The following TLL1 variants were observed in gnomAD, a reference collection of about 807,000 sequenced individuals.
TLL1 encodes the protein tolloid-like protein 1.
TLL1 carries 49 observed loss-of-function variants against 128.2 expected under a neutral mutation model. That is an observed-to-expected ratio of 0.38 (90% confidence interval 0.30 to 0.48). The LOEUF (loss-of-function observed/expected upper bound fraction) is 0.48. Among genes scored for constraint, TLL1 ranks in the 20% least tolerant of loss-of-function variants. TLL1 has a pLI of 0.96. For missense variants in TLL1, 1,123 were observed against 1,242.0 expected, an observed-to-expected ratio of 0.90 and a Z score of 1.44; for synonymous variants, 454 against 418.8, an observed-to-expected ratio of 1.08 and a Z score of -1.03.
At position 166,030,352 on chromosome 4, in the gene TLL1, A is replaced by T. The variant is rs532112782; in HGVS notation, c.1158+4921A>T. 2.9e-5 allele frequency: 12 copies of T among 408,052 alleles called. 1 individual carries two copies. The South Asian group carries it at 1.0e-3, about 34-fold the overall frequency. The allele number at this position is 408,052 out of a possible 1,614,324, so 25.3% of individuals were successfully genotyped here. ...AGTCTTTTGCCTATGTTTAAATCAG[A>T]TTATTTGATTTTGTCTTTCAACTGT... On this transcript the variant is annotated intron_variant, in intron 9 of 20. Coordinates refer to ENST00000061240, the MANE Select transcript of TLL1 (RefSeq NM_012464.5).
chr4:165,890,680 T>A (rs1048569964), intron 1 of TLL1, among the ~76,000 whole-genome samples: 1 of 152,230 alleles, frequency 6.6e-6, no homozygotes, highest in Non-Finnish European at 1.5e-5. Context: ...TCTGCCTCTA[T>A]GGCTTTGCTG....
chr4:166,069,678 T>G (rs1446998006), intron 16 of TLL1, among the ~76,000 whole-genome samples: 1 of 151,774 alleles, frequency 6.6e-6, no homozygotes, highest in African/African-American at 2.4e-5. Context: ...ACTTTTTAGA[T>G]TTAAGAAATA....
chr4:165,952,515 G>A (rs1734574542), intron 1 of TLL1, among the ~76,000 whole-genome samples: 1 of 152,084 alleles, frequency 6.6e-6, no homozygotes, highest in African/African-American at 2.4e-5. Context: ...TTCAGTTTAT[G>A]AATTGGGACC....
intron 12 of TLL1, among the ~76,000 whole-genome samples, chr4:166,049,104 T>C (rs1243794557): frequency 6.6e-6 from 1 of 152,196 alleles, no homozygotes; most frequent in Non-Finnish European, 1.5e-5. Flanking sequence ...GGAACTTAGC[T>C]GAGAATATAT....
At chr4:166,060,325 G>A in intron 15 of TLL1, 137 bp downstream of exon 15, 1 of 940,362 alleles carries the variant, frequency 1.1e-6, no homozygotes, top group Non-Finnish European at 1.6e-6. Context: ...GCTCATTTCT[G>A]CAACTGCTTA....
At chr4:165,936,634 C>T (rs1393456227) in intron 1 of TLL1, among the ~76,000 whole-genome samples, 1 of 152,056 alleles carries the variant, frequency 6.6e-6, no homozygotes, top group Non-Finnish European at 1.5e-5. Flanking sequence ...TTTTACAACA[C>T]TGAATGAAAT....
chr4:165,938,878 T>A (rs1733877597), intron 1 of TLL1, among the ~76,000 whole-genome samples: 1 of 152,110 alleles, frequency 6.6e-6, no homozygotes. Flanking sequence ...TAAGTTACAT[T>A]TAAACCTTTT....
chr4:166,027,169 A>G (rs763781496), intron 9 of TLL1, among the ~76,000 whole-genome samples: 4 of 152,150 alleles, frequency 2.6e-5, no homozygotes, highest in East Asian at 1.9e-4. Context: ...GTTCTCATTT[A>G]TAAGTGGGAG....
intron 18 of TLL1, among the ~76,000 whole-genome samples, chr4:166,082,307 G>T (rs1489754032): frequency 6.6e-6 from 1 of 152,112 alleles, no homozygotes. Context: ...ATCATCCTAA[G>T]AGCCAGGGTT....
At chr4:165,960,251 A>C (rs1735030945) in intron 1 of TLL1, among the ~76,000 whole-genome samples, 2 of 152,296 alleles carry the variant, frequency 1.3e-5, no homozygotes, top group African/African-American at 4.8e-5. Flanking sequence ...CAACCTCCCA[A>C]GATTAAACCA....
At chr4:166,062,343 T>G (rs1362394900) in intron 15 of TLL1, among the ~76,000 whole-genome samples, 1 of 152,204 alleles carries the variant, frequency 6.6e-6, no homozygotes, top group Non-Finnish European at 1.5e-5. Flanking sequence ...ATTCTTCCTA[T>G]CCATGAGCAT....
At chr4:165,893,346 G>A (rs2110835772) in intron 1 of TLL1, among the ~76,000 whole-genome samples, 1 of 152,304 alleles carries the variant, frequency 6.6e-6, no homozygotes. Flanking sequence ...TTATTGCTGG[G>A]AGATGGAAAA....
At chr4:166,050,006 T>A (rs1739636287) in intron 12 of TLL1, among the ~76,000 whole-genome samples, 1 of 152,166 alleles carries the variant, frequency 6.6e-6, no homozygotes, top group Non-Finnish European at 1.5e-5. Context: ...TAGCTATGTT[T>A]TAAAGCTACA....
At chr4:166,027,444 A>G (rs1168460332) in intron 9 of TLL1, among the ~76,000 whole-genome samples, 1 of 152,202 alleles carries the variant, frequency 6.6e-6, no homozygotes, top group Non-Finnish European at 1.5e-5. Flanking sequence ...GTTGTCCAGG[A>G]TTTTGTAATA....
chr4:166,065,862 A>G lies in TLL1; in HGVS notation c.2187A>G (p.Ser729=). ...SKKGFKAHFF[S]DKDECSKDNG... ...AGGGCTTCAAAGCACATTTTTTCTCAGGTATAAGCATTCACATGTTGTATG... is the reference window on the plus strand; with the variant it reads ...AGGGCTTCAAAGCACATTTTTTCTCGGGTATAAGCATTCACATGTTGTATG... The change falls in exon 16 of 21, where the codon TCA becomes TCG. Residue 729 remains serine, a splice_region_variant and synonymous_variant. Transcript: ENST00000061240. 6.2e-7 allele frequency: 1 copy of G among 1,605,928 alleles called. No individual in the cohort carries two copies. Among genetic ancestry groups the G allele is most frequent in the East Asian group, 2.2e-5 (1 of 44,724 alleles).
chr4:166,043,675 G>C (rs1273041272), intron 12 of TLL1, among the ~76,000 whole-genome samples: 1 of 152,156 alleles, frequency 6.6e-6, no homozygotes, highest in African/African-American at 2.4e-5. Flanking sequence ...TTGAAGTACT[G>C]ACAATAGTTT....
rs1248947824 is a variant in TLL1 at position 166,103,245 on chromosome 4, A to C, written c.*2369A>C. The stretch of plus-strand genomic sequence containing the variant: ...TTTATGGTGAAACTTTCCCACATAA[A>C]GTAAATTTTAGGGGTGAATTAGAGT... On this transcript the variant is annotated 3_prime_UTR_variant, in exon 21 of 21. Transcript: ENST00000061240. The C allele has an allele frequency of 6.6e-6, 1 of 151,856 alleles. No individual in the cohort carries two copies. The highest frequency in any genetic ancestry group is 6.6e-5 in the Admixed American group (1 of 15,170). 9.4% of individuals were successfully genotyped at this position (151,856 alleles called of 1,614,324 possible).
intron 9 of TLL1, among the ~76,000 whole-genome samples, chr4:166,033,176 CA>C (rs773263113): frequency 1.3e-5 from 2 of 152,090 alleles, no homozygotes; most frequent in African/African-American, 2.4e-5. Flanking sequence ...TTACACTTTA[CA>C]AAATGTACCT....
At chr4:166,029,944 T>C (rs1038131671) in intron 9 of TLL1, among the ~76,000 whole-genome samples, 4 of 152,154 alleles carry the variant, frequency 2.6e-5, no homozygotes, top group African/African-American at 9.6e-5. Flanking sequence ...AGTGCTGATA[T>C]GAACCTGGGA....
Sources: allele counts gnomAD v4.1 joint callset (sites outside exome capture counted in the v4.1 genomes callset), GRCh38; gene constraint gnomAD v4.1.1; transcripts MANE v1.5; gene names NCBI Gene and HGNC (gene_info 2026-07-23, HGNC 2026-07-21).